The following SNRPE variants were observed in gnomAD, a reference collection of about 807,000 sequenced individuals.
SNRPE encodes small nuclear ribonucleoprotein E.
For missense variants in SNRPE, 53 were observed against 111.6 expected, an observed-to-expected ratio of 0.48 and a Z score of 2.36; for synonymous variants, 35 against 36.7, an observed-to-expected ratio of 0.95 and a Z score of 0.17.
At chr1:203,866,852 T>C (rs1354995373) in intron 4 of SNRPE, among the ~76,000 whole-genome samples, 1 of 152,036 alleles carries the variant, frequency 6.6e-6, no homozygotes, top group Non-Finnish European at 1.5e-5. Context: ...CCTCACTTTC[T>C]GAGCTTTAGC....
At chr1:203,867,570 T>C (rs1245150729) in intron 4 of SNRPE, among the ~76,000 whole-genome samples, 4 of 152,136 alleles carry the variant, frequency 2.6e-5, no homozygotes, top group African/African-American at 9.7e-5. Context: ...TAGGTTCTCA[T>C]AAGGAGTGCG....
At position 203,870,753 on chromosome 1, in the gene SNRPE, C is replaced by T. The variant is rs375044740; in HGVS notation, c.*821C>T. Among the ~76,000 whole-genome samples, 25 of 152,200 alleles carry T rather than the reference C, an allele frequency of 1.6e-4. No individual in the cohort carries two copies. Among genetic ancestry groups the T allele is most frequent in the African/African-American group, 6.0e-4 (25 of 41,444 alleles). ...TATCGCACATGGTTCTAGTTAGAAT[C>T]CTGTTAGATAGTGAGCATCTGCTGT... On this transcript the variant is annotated 3_prime_UTR_variant, in exon 5 of 5. Transcript: ENST00000414487.
intron 2 of SNRPE, among the ~76,000 whole-genome samples, chr1:203,862,905 G>A (rs1690005298): frequency 6.6e-6 from 1 of 152,056 alleles, no homozygotes; most frequent in African/African-American, 2.4e-5. Flanking sequence ...AGAAATTACT[G>A]CTTTGTGCTA....
At chr1:203,866,871 T>C (rs889575912) in intron 4 of SNRPE, among the ~76,000 whole-genome samples, 1 of 151,924 alleles carries the variant, frequency 6.6e-6, no homozygotes, top group African/African-American at 2.4e-5. Context: ...GCAACACTTG[T>C]CTTATTTCAG....
At chr1:203,861,743 G>A in intron 1 of SNRPE, 30 bp downstream of exon 1, 2 of 1,563,220 alleles carry the variant, frequency 1.3e-6, no homozygotes, top group Non-Finnish European at 1.8e-6. Flanking sequence ...AGGACTAGGA[G>A]GTTCGGGTCA....
At position 203,868,680 on chromosome 1, in the gene SNRPE, T is replaced by G. The variant is rs182715424; in HGVS notation, c.224-1197T>G. On this transcript the variant is annotated intron_variant, in intron 4 of 4. Transcript: ENST00000414487. ...AGATTTATTGTTATTTATTTATTTA[T>G]TTTTTTGGAGACGGAGTCTCACTCT... is the stretch of plus-strand genomic sequence containing the variant. Among the ~76,000 whole-genome samples, 15 of 152,212 alleles carry G rather than the reference T, an allele frequency of 9.9e-5. No homozygotes were observed. In the East Asian group the frequency reaches 2.9e-3, roughly 29 times the overall value.
chr1:203,863,919 A>G (rs912157544), intron 3 of SNRPE, among the ~76,000 whole-genome samples, 194 bp downstream of exon 3: 1 of 149,670 alleles, frequency 6.7e-6, no homozygotes, highest in African/African-American at 2.4e-5. Flanking sequence ...AATAACTTTT[A>G]ATTCATTTTC....
At position 203,865,128 on chromosome 1, in the gene SNRPE, A is replaced by G; in HGVS notation, c.223+9A>G. 1 of 1,606,124 alleles carries G rather than the reference A, an allele frequency of 6.2e-7. No individual in the cohort carries two copies. Among genetic ancestry groups the G allele is most frequent in the Non-Finnish European group, 8.5e-7 (1 of 1,175,300 alleles). ...GTCAAGAAAACAACTGGGTAAGGAT[A>G]GAAGTGGTCTTACAGAATTCTAGAA... On this transcript the variant is annotated intron_variant, in intron 4 of 4. Transcript: ENST00000414487.
chr1:203,862,198 C>T lies in SNRPE; in HGVS notation c.57C>T (p.Asn19=). The part of the protein sequence containing the change: ...KVQKVMVQPI[N]LIFRYLQNRS... ...TTTCCTTAGCCACTGTGGTGCAGAA[C>T]CTCATCTTCAGATACTTACAAAATG... Residue 19 remains asparagine, a splice_region_variant and synonymous_variant, in exon 2 of 5, where the codon AAC becomes AAT. Coordinates refer to ENST00000414487, the MANE Select transcript of SNRPE (RefSeq NM_003094.4). 1 of 1,610,684 alleles carries T rather than the reference C, an allele frequency of 6.2e-7. No individual in the cohort carries two copies. Among genetic ancestry groups the T allele is most frequent in the Non-Finnish European group, 8.5e-7 (1 of 1,176,878 alleles).
chr1:203,862,015 T>A lies in SNRPE; in HGVS notation c.55-181T>A, dbSNP rs948468483. 9.3e-5 allele frequency: 58 copies of A among 624,014 alleles called. 1 individual carries two copies. Among genetic ancestry groups the A allele is most frequent in the Non-Finnish European group, 1.5e-4 (51 of 344,610 alleles). The allele number at this position is 624,014 out of a possible 1,614,324, so 38.7% of individuals were successfully genotyped here. On this transcript the variant is annotated intron_variant, in intron 1 of 4. Coordinates refer to ENST00000414487, the MANE Select transcript of SNRPE (RefSeq NM_003094.4). The stretch of plus-strand genomic sequence containing the variant: ...AAACTCCAGGGGGATGAAAGTGGAA[T>A]GGATGTTCTTTAGTCTTTAGAAGAC...
chr1:203,865,156 A>C (rs1690062246), intron 4 of SNRPE, 37 bp downstream of exon 4: 1 of 1,559,464 alleles, frequency 6.4e-7, no homozygotes, highest in Non-Finnish European at 8.7e-7. Context: ...TTCTAGAAAT[A>C]TTTTATTCAC....
Position 203,861,726 on chromosome 1 carries a change from G to A in SNRPE, c.54+13G>A. On this transcript the variant is annotated intron_variant, in intron 1 of 4. Coordinates refer to ENST00000414487, the MANE Select transcript of SNRPE (RefSeq NM_003094.4). ...GGTGCAGCCCATCGTATCCTACGCA[G>A]GATGTCAGGACTAGGAGGTTCGGGT... The A allele has an allele frequency of 6.2e-7, 1 of 1,601,112 alleles. No homozygotes were observed. The highest frequency in any genetic ancestry group is 2.2e-5 in the East Asian group (1 of 44,820).
At chr1:203,863,882 A>G (rs1194752378) in intron 3 of SNRPE, among the ~76,000 whole-genome samples, 157 bp downstream of exon 3, 1 of 152,186 alleles carries the variant, frequency 6.6e-6, no homozygotes, top group Non-Finnish European at 1.5e-5. Flanking sequence ...GTTGATAGAT[A>G]AGGATTGGGT....
At chr1:203,862,362 G>A in intron 2 of SNRPE, 140 bp downstream of exon 2, 1 of 672,366 alleles carries the variant, frequency 1.5e-6, no homozygotes, top group Non-Finnish European at 2.7e-6. Context: ...TTGAGGGGAA[G>A]GAGTACTTAG....
Position 203,861,628 on chromosome 1 carries a change from G to C in SNRPE, c.-32G>C. On this transcript the variant is annotated 5_prime_UTR_variant, in exon 1 of 5. Transcript: ENST00000414487. ...ATTCCGGAAGTTGCTCTCAGAGGCA[G>C]CGTGCGGGTGTGCTCTTTGTGAAAT... 6.3e-7 allele frequency: 1 copy of C among 1,589,352 alleles called. No homozygotes were observed. Among genetic ancestry groups the C allele is most frequent in the Non-Finnish European group, 8.6e-7 (1 of 1,157,380 alleles).
At chr1:203,864,435 T>TG (rs1055513753) in intron 3 of SNRPE, among the ~76,000 whole-genome samples, 10 of 84,570 alleles carry the variant, frequency 1.2e-4, no homozygotes, top group South Asian at 8.0e-4. Flanking sequence ...CAGGCTACCC[T>TG]AAATTTTTTT....
At chr1:203,862,116 C>G in intron 1 of SNRPE, 80 bp from the exon 2 acceptor site, 2 of 1,120,636 alleles carry the variant, frequency 1.8e-6, no homozygotes, top group Non-Finnish European at 1.4e-6. Context: ...AAAGGTGAGA[C>G]GGGAATAGCG....
chr1:203,869,853 CTTTTTGTTG>C lies in SNRPE; in HGVS notation c.224-16_224-8del, dbSNP rs1229112745. On this transcript the variant is annotated splice_polypyrimidine_tract_variant and intron_variant, in intron 4 of 4. Coordinates refer to ENST00000414487, the MANE Select transcript of SNRPE (RefSeq NM_003094.4). ...CATCTGAGTGTGTGGCTATTAATAG[CTTTTTGTTG>C]TTTTTGTGTTGCAGGTCGGATCATG... 50 of 1,579,836 alleles carry C rather than the reference CTTTTTGTTG, an allele frequency of 3.2e-5. No individual in the cohort carries two copies. The highest frequency in any genetic ancestry group is 4.3e-5 in the Non-Finnish European group (50 of 1,156,354).
Position 203,870,180 on chromosome 1 carries a change from T to C in SNRPE, c.*248T>C. On this transcript the variant is annotated 3_prime_UTR_variant, in exon 5 of 5. Coordinates refer to ENST00000414487, the MANE Select transcript of SNRPE (RefSeq NM_003094.4). ...GTTTTCTGAAGGGTCGCAGTTGCCT[T>C]GAGCACTTGGTATTCGCAGAGCTTG... 1 of 341,854 alleles carries C rather than the reference T, an allele frequency of 2.9e-6. No homozygotes were observed. Among genetic ancestry groups the C allele is most frequent in the South Asian group, 6.1e-5 (1 of 16,290 alleles). 21.2% of individuals were successfully genotyped at this position (341,854 alleles called of 1,614,324 possible). A position where few individuals can be genotyped will look rare whatever the true frequency, so the allele number is the denominator to read the frequency against.
Sources: allele counts gnomAD v4.1 joint callset (sites outside exome capture counted in the v4.1 genomes callset), GRCh38; gene constraint gnomAD v4.1.1; transcripts MANE v1.5; gene names NCBI Gene and HGNC (gene_info 2026-07-23, HGNC 2026-07-21).